Variants in TBC1D15 observed in about 807,000 individuals in gnomAD.
TBC1D15 encodes the protein TBC1 domain family member 15, also known as GAP for RAB7.
A neutral mutation model predicts 95.4 loss-of-function variants in TBC1D15; 39 were observed. The ratio of observed to expected loss-of-function variants is 0.41; its 90% CI spans 0.32 to 0.53. The LOEUF (loss-of-function observed/expected upper bound fraction) is 0.53. TBC1D15 is among the 20% of genes least tolerant of loss of function. The pLI is 0.29. For missense variants in TBC1D15, 733 were observed against 794.3 expected (o/e 0.92, Z 0.93); for synonymous variants, 258 against 261.3 (o/e 0.99, Z 0.12).
intron 10 of TBC1D15, among the ~76,000 whole-genome samples, chr12:71,905,495 T>C (rs1276829986): frequency 6.6e-6 from 1 of 152,090 alleles, no homozygotes; most frequent in East Asian, 1.9e-4. Context: ...CTGGGTAATT[T>C]TTGTATTTTT....
At chr12:71,902,322 A>C (rs117136608) in intron 10 of TBC1D15, among the ~76,000 whole-genome samples, 1 of 152,356 alleles carries the variant, frequency 6.6e-6, no homozygotes, top group East Asian at 1.9e-4. Flanking sequence ...ACCTGACTTC[A>C]AACTATACTG....
At chr12:71,847,739 TTTTG>T (rs779914303) in intron 1 of TBC1D15, among the ~76,000 whole-genome samples, 4 of 152,008 alleles carry the variant, frequency 2.6e-5, no homozygotes, top group Non-Finnish European at 5.9e-5. Flanking sequence ...GTATACCACA[TTTTG>T]TTTATCTAGT....
chr12:71,863,786 C>A (rs1890888139), intron 1 of TBC1D15, among the ~76,000 whole-genome samples: 1 of 152,020 alleles, frequency 6.6e-6, no homozygotes. Context: ...GATTCTTTTG[C>A]TGATCAGGTC....
At chr12:71,852,545 T>C (rs571863213) in intron 1 of TBC1D15, among the ~76,000 whole-genome samples, 1 of 152,342 alleles carries the variant, frequency 6.6e-6, no homozygotes, top group Middle Eastern at 3.4e-3. Context: ...CTTTTAAATA[T>C]AAGTTCCAGT....
chr12:71,854,377 G>T (rs115752849), intron 1 of TBC1D15, among the ~76,000 whole-genome samples: 3,915 of 152,018 alleles, frequency 0.026, 182 homozygotes, highest in African/African-American at 0.089. Context: ...TCTGTTTTTG[G>T]TGGAATTAAT....
At chr12:71,885,523 C>T (rs888960694) in intron 5 of TBC1D15, among the ~76,000 whole-genome samples, 2 of 152,196 alleles carry the variant, frequency 1.3e-5, no homozygotes, top group African/African-American at 4.8e-5. Context: ...CTGTTACTCT[C>T]AGCAAATATT....
chr12:71,873,671 T>G (rs1415600056), intron 3 of TBC1D15, among the ~76,000 whole-genome samples: 2 of 152,242 alleles, frequency 1.3e-5, no homozygotes, highest in African/African-American at 4.8e-5. Context: ...CTGCATCATT[T>G]TCTAATCCAG....
intron 10 of TBC1D15, among the ~76,000 whole-genome samples, chr12:71,898,779 G>T (rs1305395204): frequency 6.6e-6 from 1 of 152,086 alleles, no homozygotes; most frequent in Non-Finnish European, 1.5e-5. Flanking sequence ...TCCCATGAAA[G>T]AAATAATTTT....
intron 8 of TBC1D15, 100 bp downstream of exon 8, chr12:71,896,175 GTTTT>G (rs202051621): frequency 4.8e-5 from 39 of 812,054 alleles, no homozygotes; most frequent in Admixed American, 9.7e-5. Flanking sequence ...TTTGTTGTTG[GTTTT>G]TTTTTTTTTT....
At chr12:71,877,539 CCTTCCTTCCTTCCTTCCTTCCTTT>C (rs1239340667) in intron 3 of TBC1D15, among the ~76,000 whole-genome samples, 104 of 129,800 alleles carry the variant, frequency 8.0e-4, no homozygotes, top group African/African-American at 3.3e-3. Context: ...TTCCTTCCTT[CCTTCCTTCCTTCCTTCCTTCCTTT>C]CTTCTTTTTC....
chr12:71,922,550 T>A (rs2139137600), intron 16 of TBC1D15, among the ~76,000 whole-genome samples: 1 of 152,326 alleles, frequency 6.6e-6, no homozygotes, highest in South Asian at 2.1e-4. Flanking sequence ...TGTTCATTGA[T>A]CCAAACTGTT....
rs761075640 is a variant in TBC1D15, at chr12:71,880,596, A to G, written c.332A>G (p.His111Arg). ...ACAGTTTCATTTAAAAGGAAACCAC[A>G]TACCAATGGAGGTATGAATTAAATC... Reference protein sequence around the residue: ...VNTVSFKRKPHTNGDAPSHRN... With the variant: ...VNTVSFKRKPRTNGDAPSHRN... The change falls in exon 4 of 17, where the codon CAT (histidine) becomes CGT (arginine). Residue 111 changes from histidine (H) to arginine (R), a missense_variant. Coordinates refer to ENST00000485960, the MANE Select transcript of TBC1D15 (RefSeq NM_001146213.3). The G allele has an allele frequency of 1.2e-5, 19 of 1,608,130 alleles. No homozygotes were observed. In the East Asian group the frequency reaches 4.0e-4, roughly 34 times the overall value.
At chr12:71,868,791 AT>A (rs1158034171) in intron 1 of TBC1D15, 1 of 152,174 alleles carries the variant, frequency 6.6e-6, no homozygotes, top group Non-Finnish European at 1.5e-5. Context: ...AGAACCTTAG[AT>A]TGCATTGTTA....
chr12:71,895,320 A>T (rs754638696), intron 7 of TBC1D15, among the ~76,000 whole-genome samples: 2 of 152,148 alleles, frequency 1.3e-5, no homozygotes, highest in East Asian at 3.9e-4. Flanking sequence ...GCAGATCTTT[A>T]TATGTGCTCA....
intron 10 of TBC1D15, among the ~76,000 whole-genome samples, chr12:71,904,269 A>G (rs1424877558): frequency 6.6e-6 from 1 of 152,210 alleles, no homozygotes; most frequent in East Asian, 1.9e-4. Flanking sequence ...AGGAATAAGG[A>G]GATCACTGGA....
intron 9 of TBC1D15, 89 bp from the exon 10 acceptor site, chr12:71,897,758 G>C (rs1566036702): frequency 7.9e-6 from 7 of 887,554 alleles, no homozygotes; most frequent in Non-Finnish European, 5.5e-6. Flanking sequence ...TAAATGCTTT[G>C]ATATACTGTT....
intron 4 of TBC1D15, among the ~76,000 whole-genome samples, chr12:71,883,238 A>G (rs533667124): frequency 1.3e-5 from 2 of 152,052 alleles, no homozygotes; most frequent in East Asian, 3.9e-4. Context: ...TACTTAAATG[A>G]TTCATGAATA....
At chr12:71,898,638 G>C (rs1898695857) in intron 10 of TBC1D15, among the ~76,000 whole-genome samples, 1 of 152,068 alleles carries the variant, frequency 6.6e-6, no homozygotes, top group South Asian at 2.1e-4. Context: ...TTATTACACT[G>C]TCTCTGTAAT....
rs776922369 is a variant in TBC1D15, at chr12:71,849,875, ATGTT to A, written c.30+10067_30+10070del. Reference sequence around the variant, plus strand: ...GGAGTTTGCTTCTGTCTATAGAAGAATGTTTGGGGTCCACCAAAGCTTCCAGCGT... The same window carrying A: ...GGAGTTTGCTTCTGTCTATAGAAGAATGGGGTCCACCAAAGCTTCCAGCGT... On this transcript the variant is annotated intron_variant, in intron 1 of 16. Coordinates refer to ENST00000485960, the MANE Select transcript of TBC1D15 (RefSeq NM_001146213.3). 6.3e-5 allele frequency: 36 copies of A among 572,002 alleles called. No homozygotes were observed. In the East Asian group the frequency reaches 8.8e-4, roughly 14 times the overall value. The allele number at this position is 572,002 out of a possible 1,614,324, so 35.4% of individuals were successfully genotyped here. A position where few individuals can be genotyped will look rare whatever the true frequency, so the allele number is the denominator to read the frequency against.
Sources: gnomAD v4.1 joint callset for allele counts (sites outside exome capture counted in the v4.1 genomes callset) on GRCh38, gnomAD v4.1.1 for gene constraint, MANE v1.5 for transcripts, NCBI Gene and HGNC (gene_info 2026-07-23, HGNC 2026-07-21) for gene names.